Variants in PFDN4 observed in about 807,000 individuals in gnomAD.
The protein encoded by PFDN4 is prefoldin 4.
Under a neutral mutation model 17.6 loss-of-function variants are expected in PFDN4, and 6 were observed. The observed-to-expected ratio is 0.34, with a 90% CI of 0.19 to 0.67. The LOEUF (loss-of-function observed/expected upper bound fraction) is 0.67. PFDN4 is among the 30% of genes least tolerant of loss of function. PFDN4 has a pLI of 0.68. For synonymous variants in PFDN4, 48 were observed against 51.1 expected (o/e 0.94, Z 0.26); for missense variants, 119 against 158.4 (o/e 0.75, Z 1.33).
rs2092761917 is a variant in PFDN4 at position 54,215,971 on chromosome 20, C to G, written c.273+531C>G. ...GGAAGCCTGCTCTGAGCCTGGCACA[C>G]AGGCCTTTAAAAACATCGTTTTTGA... On this transcript the variant is annotated intron_variant, in intron 3 of 3. Coordinates refer to ENST00000371419, the MANE Select transcript of PFDN4 (RefSeq NM_002623.4). Among the ~76,000 whole-genome samples the G allele has an allele frequency of 5.9e-5, 9 of 152,340 alleles. No homozygotes were observed. The South Asian group carries it at 1.9e-3, about 32-fold the overall frequency.
chr20:54,217,705 G>GA (rs1301693207), intron 3 of PFDN4, among the ~76,000 whole-genome samples: 1 of 152,080 alleles, frequency 6.6e-6, no homozygotes, highest in African/African-American at 2.4e-5. Context: ...GAGATGATTG[G>GA]ACTTGCGATA....
At position 54,219,714 on chromosome 20, in the gene PFDN4, T is replaced by C. The variant is rs1431057356; in HGVS notation, c.*564T>C. Reference sequence around the variant, plus strand: ...GAGATTTGGGTAAAAGAATGGGTAATGTTTAAACATGTGGAGGCATGTGGA... The same window carrying C: ...GAGATTTGGGTAAAAGAATGGGTAACGTTTAAACATGTGGAGGCATGTGGA... On this transcript the variant is annotated 3_prime_UTR_variant, in exon 4 of 4. Coordinates refer to ENST00000371419, the MANE Select transcript of PFDN4 (RefSeq NM_002623.4). 5.0e-6 allele frequency: 2 copies of C among 398,202 alleles called. No individual in the cohort carries two copies. The highest frequency in any genetic ancestry group is 8.9e-6 in the Non-Finnish European group (2 of 225,960). 24.7% of individuals were successfully genotyped at this position (398,202 alleles called of 1,614,324 possible). A position where few individuals can be genotyped will look rare whatever the true frequency, so the allele number is the denominator to read the frequency against.
chr20:54,218,872 A>C, intron 3 of PFDN4, 147 bp from the exon 4 acceptor site: 1 of 522,344 alleles, frequency 1.9e-6, no homozygotes, highest in South Asian at 3.2e-5. Context: ...ACATTCAGAC[A>C]TTTAGATCTA....
intron 3 of PFDN4, among the ~76,000 whole-genome samples, chr20:54,217,650 C>T (rs937450881): frequency 2.0e-5 from 3 of 152,130 alleles, no homozygotes; most frequent in East Asian, 1.9e-4. Context: ...TGCCCACTCC[C>T]GTCCCAGAGC....
At position 54,211,299 on chromosome 20, in the gene PFDN4, G is replaced by A. The variant is rs180806830; in HGVS notation, c.25-3052G>A. ...TGGTTCAGTTTCCTCCTCTAATCCCGTAAGATATTAGTTCTCAAGAAAAGA... is the reference window on the plus strand; with the variant it reads ...TGGTTCAGTTTCCTCCTCTAATCCCATAAGATATTAGTTCTCAAGAAAAGA... On this transcript the variant is annotated intron_variant, in intron 1 of 3. Coordinates refer to ENST00000371419, the MANE Select transcript of PFDN4 (RefSeq NM_002623.4). Among the ~76,000 whole-genome samples the A allele has an allele frequency of 5.7e-3, 862 of 152,222 alleles. 6 individuals carry two copies. Among genetic ancestry groups the A allele is most frequent in the Admixed American group, 8.9e-3 (136 of 15,280 alleles).
At chr20:54,215,954 G>C (rs1285801758) in intron 3 of PFDN4, among the ~76,000 whole-genome samples, 1 of 152,212 alleles carries the variant, frequency 6.6e-6, no homozygotes, top group Non-Finnish European at 1.5e-5. Context: ...TTGGAAGCCT[G>C]CTCTGAGCCT....
At position 54,208,134 on chromosome 20, in the gene PFDN4, G is replaced by T. The variant is rs1489175279; in HGVS notation, c.24+10G>T. On this transcript the variant is annotated intron_variant, in intron 1 of 3. Coordinates refer to ENST00000371419, the MANE Select transcript of PFDN4 (RefSeq NM_002623.4). ...CACCATGAAGAAGGCGGTGAGTGGG[G>T]AGCTCGGGGCTCTGGATGCTCGGGC... The T allele has an allele frequency of 6.4e-7, 1 of 1,553,994 alleles. No individual in the cohort carries two copies. The highest frequency in any genetic ancestry group is 8.7e-7 in the Non-Finnish European group (1 of 1,148,654).
At chr20:54,208,368 C>G (rs556454811) in intron 1 of PFDN4, 437 of 431,308 alleles carry the variant, frequency 1.0e-3, no homozygotes, top group Non-Finnish European at 1.6e-3. Context: ...TCGAAGGACG[C>G]AGGTCCGCCT....
In PFDN4 at chr20:54,219,452, A is replaced by G; in HGVS notation, c.*302A>G. On this transcript the variant is annotated 3_prime_UTR_variant, in exon 4 of 4. Coordinates refer to ENST00000371419, the MANE Select transcript of PFDN4 (RefSeq NM_002623.4). ...ATTATTTAGAATATTTGTTGTTGCA[A>G]TTTTCACATAAGAAAATTTAACAGT... 2.7e-6 allele frequency: 1 copy of G among 370,230 alleles called. No homozygotes were observed. Among genetic ancestry groups the G allele is most frequent in the Non-Finnish European group, 4.7e-6 (1 of 212,328 alleles). 22.9% of individuals were successfully genotyped at this position (370,230 alleles called of 1,614,324 possible).
intron 1 of PFDN4, among the ~76,000 whole-genome samples, chr20:54,209,508 C>G (rs910588978): frequency 1.3e-5 from 2 of 152,112 alleles, no homozygotes; most frequent in African/African-American, 4.8e-5. Context: ...TTACTGTGTC[C>G]CAGAGTAGGG....
Position 54,215,446 on chromosome 20 carries a change from T to A in PFDN4, c.273+6T>A. The A allele has an allele frequency of 1.3e-6, 2 of 1,574,366 alleles. No homozygotes were observed. The highest frequency in any genetic ancestry group is 1.7e-6 in the Non-Finnish European group (2 of 1,154,408). ...AAATGTTAGAAGAAGCAAAGGTATGTTAAAGGTTAATTCTGAAATTAGAAT... is the reference window on the plus strand; with the variant it reads ...AAATGTTAGAAGAAGCAAAGGTATGATAAAGGTTAATTCTGAAATTAGAAT... On this transcript the variant is annotated splice_donor_region_variant and intron_variant, in intron 3 of 3. Coordinates refer to ENST00000371419, the MANE Select transcript of PFDN4 (RefSeq NM_002623.4).
chr20:54,210,821 C>T (rs1265049293), intron 1 of PFDN4, among the ~76,000 whole-genome samples: 2 of 152,210 alleles, frequency 1.3e-5, no homozygotes, highest in Non-Finnish European at 2.9e-5. Context: ...AGGATGTATG[C>T]TTGCCATTTG....
intron 1 of PFDN4, among the ~76,000 whole-genome samples, chr20:54,213,192 G>C (rs1299716906): frequency 6.6e-6 from 1 of 152,194 alleles, no homozygotes; most frequent in Non-Finnish European, 1.5e-5. Context: ...TAGTGTTTCA[G>C]TATGAACTAT....
Position 54,219,266 on chromosome 20 carries a change from T to C in PFDN4, c.*116T>C. The C allele has an allele frequency of 1.6e-6, 1 of 632,864 alleles. No homozygotes were observed. The highest frequency in any genetic ancestry group is 2.9e-5 in the South Asian group (1 of 34,018). The allele number at this position is 632,864 out of a possible 1,614,324, so 39.2% of individuals were successfully genotyped here. ...ACTTTCTTTTTTAAAAATTTTCATT[T>C]ATTTAATGGAAACTTGCCCATTTTC... is the stretch of plus-strand genomic sequence containing the variant. On this transcript the variant is annotated 3_prime_UTR_variant, in exon 4 of 4. Transcript: ENST00000371419.
intron 1 of PFDN4, 50 bp from the exon 2 acceptor site, chr20:54,214,301 C>T: frequency 1.1e-6 from 1 of 937,892 alleles, no homozygotes; most frequent in Non-Finnish European, 1.7e-6. Flanking sequence ...AAAAAGCTAA[C>T]TGATAACTTC....
chr20:54,210,778 T>A (rs2092754749), intron 1 of PFDN4, among the ~76,000 whole-genome samples: 1 of 152,268 alleles, frequency 6.6e-6, no homozygotes, highest in African/African-American at 2.4e-5. Context: ...AACATTATCT[T>A]GTTCATCTTG....
intron 3 of PFDN4, among the ~76,000 whole-genome samples, chr20:54,216,787 G>C (rs2092763113): frequency 6.6e-6 from 1 of 152,032 alleles, no homozygotes; most frequent in African/African-American, 2.4e-5. Flanking sequence ...CTCCCGAGTA[G>C]CTGGGATTAC....
At chr20:54,214,057 G>T (rs1459279725) in intron 1 of PFDN4, among the ~76,000 whole-genome samples, 1 of 152,098 alleles carries the variant, frequency 6.6e-6, no homozygotes. Flanking sequence ...TCTGCTCTGT[G>T]CCAAAAGTTG....
At chr20:54,214,624 G>A (rs529370281) in intron 2 of PFDN4, among the ~76,000 whole-genome samples, 166 bp downstream of exon 2, 33 of 152,146 alleles carry the variant, frequency 2.2e-4, no homozygotes, top group Non-Finnish European at 3.5e-4. Context: ...AGGGATATGC[G>A]ATAACTTACA....
Sources: allele counts gnomAD v4.1 joint callset (sites outside exome capture counted in the v4.1 genomes callset), GRCh38; gene constraint gnomAD v4.1.1; transcripts MANE v1.5; gene names NCBI Gene and HGNC (gene_info 2026-07-23, HGNC 2026-07-21).